The following EPHA3 variants were observed in gnomAD, a reference collection of about 807,000 sequenced individuals.
The protein encoded by EPHA3 is EPH receptor A3.
A neutral mutation model predicts 107.1 loss-of-function variants in EPHA3; 42 were observed. That is an observed-to-expected ratio of 0.39 (90% CI 0.31 to 0.51). The LOEUF (loss-of-function observed/expected upper bound fraction) is 0.51. Ranked by LOEUF, EPHA3 falls within the 20% of genes least tolerant of loss-of-function variation. The pLI, the probability that EPHA3 is intolerant of heterozygous loss-of-function variation, is 0.78. For synonymous variants in EPHA3, 461 were observed against 424.8 expected, an observed-to-expected ratio of 1.09 and a Z score of -1.05; for missense variants, 1,183 against 1,211.2, an observed-to-expected ratio of 0.98 and a Z score of 0.35.
chr3:89,439,884 A>G (rs1709751117), intron 13 of EPHA3, among the ~76,000 whole-genome samples: 1 of 152,140 alleles, frequency 6.6e-6, no homozygotes, highest in African/African-American at 2.4e-5. Context: ...TAACATAAGC[A>G]TTATGAGTTT....
intron 5 of EPHA3, among the ~76,000 whole-genome samples, chr3:89,366,156 T>C (rs1381515581): frequency 1.3e-5 from 2 of 150,428 alleles, no homozygotes; most frequent in South Asian, 2.1e-4. Flanking sequence ...TTCTGTGTCA[T>C]GCATTTGGGA....
chr3:89,443,066 A>G (rs1709814133), intron 13 of EPHA3, among the ~76,000 whole-genome samples: 1 of 152,316 alleles, frequency 6.6e-6, no homozygotes, highest in South Asian at 2.1e-4. Flanking sequence ...GTCAGTATAT[A>G]AGTCTTACCC....
chr3:89,372,560 T>A (rs1255232758), intron 5 of EPHA3, among the ~76,000 whole-genome samples: 2 of 151,658 alleles, frequency 1.3e-5, no homozygotes, highest in African/African-American at 4.8e-5. Flanking sequence ...TGGATGTTGG[T>A]TTTGATTGCC....
chr3:89,411,396 G>C (rs1486233618), intron 9 of EPHA3, among the ~76,000 whole-genome samples: 1 of 151,790 alleles, frequency 6.6e-6, no homozygotes, highest in Non-Finnish European at 1.5e-5. Flanking sequence ...TTTTGTTGTA[G>C]CTGTATCAGC....
At chr3:89,338,967 A>C (rs1021462171) in intron 3 of EPHA3, among the ~76,000 whole-genome samples, 1 of 152,192 alleles carries the variant, frequency 6.6e-6, no homozygotes, top group Non-Finnish European at 1.5e-5. Flanking sequence ...ATAAACCTAA[A>C]AGTTAAGAAT....
intron 2 of EPHA3, among the ~76,000 whole-genome samples, chr3:89,159,438 G>A (rs1428939373): frequency 6.6e-6 from 1 of 152,060 alleles, no homozygotes; most frequent in Admixed American, 6.6e-5. Flanking sequence ...CACTAGTGAA[G>A]TCCCTGTAAT....
chr3:89,208,466 G>GAAAGAAAGAA (rs1706175806), intron 2 of EPHA3, among the ~76,000 whole-genome samples: 5 of 128,036 alleles, frequency 3.9e-5, no homozygotes, highest in African/African-American at 9.3e-5. Flanking sequence ...AAGAAAGAAA[G>GAAAGAAAGAA]AAAGAAAGAA....
intron 3 of EPHA3, among the ~76,000 whole-genome samples, chr3:89,314,075 T>C (rs907380131): frequency 1.3e-5 from 2 of 151,958 alleles, no homozygotes; most frequent in Non-Finnish European, 2.9e-5. Flanking sequence ...AACATGCCCT[T>C]GTCCATTTGG....
chr3:89,400,606 GATAC>G (rs1708941777), intron 7 of EPHA3, among the ~76,000 whole-genome samples: 1 of 151,360 alleles, frequency 6.6e-6, no homozygotes, highest in Admixed American at 6.6e-5. Flanking sequence ...TTGAAGAACA[GATAC>G]ATAATTATGT....
At chr3:89,212,223 A>G (rs1704118751) in intron 3 of EPHA3, among the ~76,000 whole-genome samples, 1 of 151,976 alleles carries the variant, frequency 6.6e-6, no homozygotes, top group Non-Finnish European at 1.5e-5. Context: ...AAAGAGAAGG[A>G]TACTGTAATA....
rs571510419 is a variant in EPHA3, at chr3:89,308,360, G to T, written c.815-32556G>T. Among the ~76,000 whole-genome samples the T allele has an allele frequency of 3.3e-5, 5 of 152,220 alleles. No homozygotes were observed. The East Asian group carries it at 5.8e-4, about 18-fold the overall frequency. On this transcript the variant is annotated intron_variant, in intron 3 of 16. Coordinates refer to ENST00000336596, the MANE Select transcript of EPHA3 (RefSeq NM_005233.6). ...ATAAGAGCAAAATAGTTTGAGAAGGGTTAGCAAGGTCAACTGGGACCATCA... is the reference window on the plus strand; with the variant it reads ...ATAAGAGCAAAATAGTTTGAGAAGGTTTAGCAAGGTCAACTGGGACCATCA...
chr3:89,370,757 A>G (rs1380601105), intron 5 of EPHA3, among the ~76,000 whole-genome samples: 3 of 151,778 alleles, frequency 2.0e-5, no homozygotes, highest in Non-Finnish European at 4.4e-5. Context: ...AGAAATGAAT[A>G]AGGAAGTCTC....
chr3:89,331,701 G>A lies in EPHA3; in HGVS notation c.815-9215G>A, dbSNP rs145921581. Among the ~76,000 whole-genome samples, 22 of 152,134 alleles carry A rather than the reference G, an allele frequency of 1.4e-4. 2 individuals carry two copies. In the East Asian group the frequency reaches 2.5e-3, roughly 17 times the overall value. ...TGGACACTCCAAAATTCAATTTATG[G>A]TGGTAATTCTGTTCATCTAAAATTA... On this transcript the variant is annotated intron_variant, in intron 3 of 16. Coordinates refer to ENST00000336596, the MANE Select transcript of EPHA3 (RefSeq NM_005233.6).
chr3:89,151,755 T>G (rs1166928463), intron 2 of EPHA3, among the ~76,000 whole-genome samples: 1 of 152,014 alleles, frequency 6.6e-6, no homozygotes, highest in Non-Finnish European at 1.5e-5. Context: ...AACGCACAAA[T>G]TCTCCATTCT....
intron 3 of EPHA3, among the ~76,000 whole-genome samples, chr3:89,315,458 T>C (rs1706874528): frequency 6.6e-6 from 1 of 151,804 alleles, no homozygotes; most frequent in African/African-American, 2.4e-5. Context: ...CTTTTTGTCC[T>C]GTGGATGATA....
rs1709328002 is a variant in EPHA3 at position 89,420,140 on chromosome 3, A to G, written c.2074+750A>G. Among the ~76,000 whole-genome samples the G allele has an allele frequency of 5.3e-5, 8 of 151,516 alleles. No homozygotes were observed. In the South Asian group the frequency reaches 1.4e-3, roughly 27 times the overall value. On this transcript the variant is annotated intron_variant, in intron 11 of 16. Transcript: ENST00000336596. ...ATTTTTCCTCAAGATTTTGGAGCTCAGGATGAAGAATAAGTGAAATTGGCA... is the reference window on the plus strand; with the variant it reads ...ATTTTTCCTCAAGATTTTGGAGCTCGGGATGAAGAATAAGTGAAATTGGCA...
intron 2 of EPHA3, among the ~76,000 whole-genome samples, chr3:89,181,205 T>TG (rs1282556322): frequency 6.6e-6 from 1 of 152,022 alleles, no homozygotes; most frequent in Non-Finnish European, 1.5e-5. Flanking sequence ...AATTTATTGG[T>TG]GTTCATTGGT....
intron 3 of EPHA3, among the ~76,000 whole-genome samples, chr3:89,218,452 C>G (rs1704272259): frequency 6.6e-6 from 1 of 152,006 alleles, no homozygotes; most frequent in Admixed American, 6.6e-5. Flanking sequence ...CATGTCCTTA[C>G]AAAGGACCTG....
rs538089121 is a variant in EPHA3, at chr3:89,454,583, G to A, written c.2690+4213G>A. On this transcript the variant is annotated intron_variant, in intron 15 of 16. Transcript: ENST00000336596. ...CTTTCAAACTCCAAACATTTTTTTT[G>A]CACAGCCTCCAGAATCTTCTTATCA... 3.3e-5 allele frequency among the ~76,000 whole-genome samples: 5 copies of A among 152,038 alleles called. No homozygotes were observed. The South Asian group carries it at 1.0e-3, about 32-fold the overall frequency.
Sources: allele counts gnomAD v4.1 joint callset (sites outside exome capture counted in the v4.1 genomes callset), GRCh38; gene constraint gnomAD v4.1.1; transcripts MANE v1.5; gene names NCBI Gene and HGNC (gene_info 2026-07-23, HGNC 2026-07-21).